Variants in ST6GAL1 observed in about 807,000 individuals in gnomAD.
The protein encoded by ST6GAL1 is beta-galactoside alpha-2,6-sialyltransferase 1.
In ST6GAL1, 20 loss-of-function variants were observed where a neutral mutation model predicts 38.0. The ratio of observed to expected loss-of-function variants is 0.53; its 90% CI spans 0.37 to 0.77. The LOEUF (loss-of-function observed/expected upper bound fraction) is 0.77. ST6GAL1 is among the 30% of genes least tolerant of loss of function. The pLI, the probability that ST6GAL1 is intolerant of heterozygous loss-of-function variation, is 0.00. For missense variants in ST6GAL1, 432 were observed against 496.4 expected, an observed-to-expected ratio of 0.87 and a Z score of 1.23; for synonymous variants, 196 against 188.2, an observed-to-expected ratio of 1.04 and a Z score of -0.34.
At chr3:187,035,100 AC>A (rs1390279735) in intron 2 of ST6GAL1, among the ~76,000 whole-genome samples, 1 of 152,188 alleles carries the variant, frequency 6.6e-6, no homozygotes, top group Non-Finnish European at 1.5e-5. Flanking sequence ...CATTTCCATA[AC>A]CAGTAATTTT....
chr3:187,074,217 A>AC lies in ST6GAL1; in HGVS notation c.867dup (p.Asn290GlnfsTer47). The AC allele has an allele frequency of 1.9e-6, 3 of 1,612,954 alleles. No individual in the cohort carries two copies. The highest frequency in any genetic ancestry group is 2.5e-6 in the Non-Finnish European group (3 of 1,179,554). On this transcript the variant is annotated frameshift_variant, in exon 7 of 8. Transcript: ENST00000169298. LOFTEE classifies it high-confidence loss of function. ...AACTACAAGACTTATCGTAAGCTGC[A>AC]CCCCAATCAGCCCTTTTACATCCTC...
chr3:186,956,729 T>C (rs1355812562), intron 1 of ST6GAL1, among the ~76,000 whole-genome samples: 3 of 152,188 alleles, frequency 2.0e-5, no homozygotes, highest in Non-Finnish European at 4.4e-5. Flanking sequence ...TGACTCACAA[T>C]CACCCTCCCG....
intron 5 of ST6GAL1, among the ~76,000 whole-genome samples, chr3:187,067,844 G>A (rs1348290014): frequency 2.0e-5 from 3 of 152,064 alleles, no homozygotes; most frequent in African/African-American, 4.8e-5. Flanking sequence ...GTCTCTCTGG[G>A]CCTCAGTTTA....
At chr3:186,988,584 G>T (rs1716038896) in intron 2 of ST6GAL1, among the ~76,000 whole-genome samples, 1 of 146,746 alleles carries the variant, frequency 6.8e-6, no homozygotes, top group Non-Finnish European at 1.5e-5. Flanking sequence ...GGTGGTGGGG[G>T]CGGGTGGTGG....
chr3:187,051,434 G>A (rs1718510637), intron 5 of ST6GAL1, 88 bp downstream of exon 5: 1 of 1,211,796 alleles, frequency 8.3e-7, no homozygotes, highest in African/African-American at 1.5e-5. Flanking sequence ...AGCATATCTA[G>A]GCTGCCAATT....
chr3:186,982,808 A>G (rs1243782417), intron 2 of ST6GAL1, among the ~76,000 whole-genome samples: 1 of 139,718 alleles, frequency 7.2e-6, no homozygotes, highest in East Asian at 2.6e-4. Context: ...CAGCCTCCCA[A>G]GTAGCTGGGA....
chr3:186,966,554 C>T (rs919101735), intron 2 of ST6GAL1, among the ~76,000 whole-genome samples: 4 of 152,238 alleles, frequency 2.6e-5, no homozygotes, highest in African/African-American at 9.6e-5. Flanking sequence ...CAGAGTCTCT[C>T]CCGTCGGGGA....
At chr3:187,071,762 T>C (rs113387850) in intron 5 of ST6GAL1, among the ~76,000 whole-genome samples, 3,414 of 134,068 alleles carry the variant, frequency 0.025, 66 homozygotes, top group Non-Finnish European at 0.039. Context: ...TCGCCTTTTT[T>C]TGAGACTCCG....
chr3:187,044,069 G>T (rs1718216852), intron 4 of ST6GAL1, among the ~76,000 whole-genome samples: 1 of 152,316 alleles, frequency 6.6e-6, no homozygotes, highest in East Asian at 1.9e-4. Flanking sequence ...GGAGTTTGTA[G>T]ACTGCAGTTT....
intron 3 of ST6GAL1, chr3:187,042,062 G>A (rs2268530): frequency 0.52 from 79,232 of 152,054 alleles, 24,142 homozygotes; most frequent in African/African-American, 0.85. Context: ...CAGGAGTCCA[G>A]CATCGCAGCC....
chr3:187,026,167 A>T (rs1248474412), intron 2 of ST6GAL1, among the ~76,000 whole-genome samples: 1 of 152,208 alleles, frequency 6.6e-6, no homozygotes, highest in East Asian at 1.9e-4. Context: ...GTTGCATATC[A>T]TGCTTCTGAC....
intron 1 of ST6GAL1, among the ~76,000 whole-genome samples, chr3:186,959,365 T>C (rs779697636): frequency 6.6e-6 from 1 of 152,110 alleles, no homozygotes; most frequent in Non-Finnish European, 1.5e-5. Context: ...GAACTCTGGC[T>C]TAGTCACTTA....
chr3:186,959,487 TAA>T (rs1490982177), intron 1 of ST6GAL1, among the ~76,000 whole-genome samples: 1 of 152,026 alleles, frequency 6.6e-6, no homozygotes, highest in Non-Finnish European at 1.5e-5. Context: ...ACTTAGTACA[TAA>T]AGCACCTGGC....
intron 2 of ST6GAL1, among the ~76,000 whole-genome samples, chr3:187,015,226 A>C (rs557102375): frequency 9.2e-5 from 14 of 152,230 alleles, no homozygotes; most frequent in Admixed American, 9.2e-4. Context: ...TGTGCTTCTT[A>C]CTGCACGCAC....
chr3:186,997,294 A>C (rs548984855), intron 2 of ST6GAL1, among the ~76,000 whole-genome samples: 1 of 152,230 alleles, frequency 6.6e-6, no homozygotes, highest in Admixed American at 6.5e-5. Flanking sequence ...GTAAGTGACA[A>C]AACTGTCACT....
At position 187,043,022 on chromosome 3, in the gene ST6GAL1, C is replaced by A; in HGVS notation, c.319C>A (p.Pro107Thr). The change falls in exon 4 of 8, where the codon CCT becomes ACT. Residue 107 changes from proline (P) to threonine (T), a missense_variant. Coordinates refer to ENST00000169298, the MANE Select transcript of ST6GAL1 (RefSeq NM_173216.2). ...NKDSSSKNLI[P>T]RLQKIWKNYL... ...GGACAGCTCTTCCAAAAACCTTATC[C>A]CTAGGCTGCAAAAGATCTGGAAGAA... 1 of 1,614,126 alleles carries A rather than the reference C, an allele frequency of 6.2e-7. No individual in the cohort carries two copies. The highest frequency in any genetic ancestry group is 8.5e-7 in the Non-Finnish European group (1 of 1,180,012).
chr3:187,053,752 T>C (rs1342506766), intron 5 of ST6GAL1, among the ~76,000 whole-genome samples: 1 of 150,260 alleles, frequency 6.7e-6, no homozygotes, highest in Non-Finnish European at 1.5e-5. Flanking sequence ...AGCTTTGTTC[T>C]TTTGGATTAG....
chr3:187,075,755 C>G lies in ST6GAL1; in HGVS notation c.1173C>G (p.Tyr391Ter). Residue 391 changes from tyrosine (Y) to a stop codon, truncating the protein, a stop_gained, in exon 8 of 8, where the codon TAC becomes TAG. Transcript: ENST00000169298. LOFTEE classifies it high-confidence loss of function. The surrounding 1 kb of genome is among the most constrained non-coding windows in gnomAD (Gnocchi z 4.1). ...HLNQGTDEDIYLLGKATLPGF... is the reference protein window; with the variant it reads ...HLNQGTDEDI ...ACCAGGGCACAGATGAGGACATCTA[C>G]CTGCTTGGAAAAGCCACACTGCCTG... The G allele has an allele frequency of 6.2e-7, 1 of 1,614,254 alleles. No individual in the cohort carries two copies. The highest frequency in any genetic ancestry group is 1.1e-5 in the South Asian group (1 of 91,088).
chr3:186,965,590 A>G (rs1268217471), intron 2 of ST6GAL1, among the ~76,000 whole-genome samples: 1 of 152,214 alleles, frequency 6.6e-6, no homozygotes, highest in Non-Finnish European at 1.5e-5. Flanking sequence ...CCCTCATTTT[A>G]AGAACCTCAG....
Sources: gnomAD v4.1 joint callset for allele counts (sites outside exome capture counted in the v4.1 genomes callset) on GRCh38, gnomAD v4.1.1 for gene constraint, Gnocchi (gnomAD v3.1) non-coding constraint, MANE v1.5 for transcripts, NCBI Gene and HGNC (gene_info 2026-07-23, HGNC 2026-07-21) for gene names.